Variants in EXT1 observed in about 807,000 individuals in gnomAD.
EXT1 encodes the protein exostosin-1.
Under a neutral mutation model 82.5 loss-of-function variants are expected in EXT1, and 20 were observed. That is an observed-to-expected ratio of 0.24 (90% CI 0.17 to 0.35). EXT1 has a LOEUF of 0.35. Among genes scored for constraint, EXT1 ranks in the 10% least tolerant of loss-of-function variants. The pLI is 1.00. For missense variants in EXT1, 757 were observed against 936.5 expected (o/e 0.81, Z 2.50); for synonymous variants, 348 against 350.8 (o/e 0.99, Z 0.09).
intron 1 of EXT1, among the ~76,000 whole-genome samples, chr8:118,082,907 C>T (rs1586263301): frequency 6.6e-6 from 1 of 152,012 alleles, no homozygotes; most frequent in Admixed American, 6.5e-5. Context: ...AAGTTTGGAG[C>T]GAGGGAAAGA....
chr8:117,954,971 T>G (rs1563612058), intron 1 of EXT1, among the ~76,000 whole-genome samples: 4 of 152,204 alleles, frequency 2.6e-5, no homozygotes. Flanking sequence ...TCTCCTATAC[T>G]TCTCACCAAC....
chr8:117,801,416 A>C (rs1027725226), intron 10 of EXT1, among the ~76,000 whole-genome samples: 3 of 152,236 alleles, frequency 2.0e-5, no homozygotes, highest in Non-Finnish European at 2.9e-5. Flanking sequence ...AAAGATATCA[A>C]ATGGAGCTGA....
At chr8:117,944,937 C>T (rs1381887469) in intron 1 of EXT1, among the ~76,000 whole-genome samples, 3 of 151,904 alleles carry the variant, frequency 2.0e-5, no homozygotes, top group South Asian at 4.2e-4. Context: ...CGGAGGCGGG[C>T]GGATCACGAG....
chr8:118,022,266 T>C (rs4556109), intron 1 of EXT1, among the ~76,000 whole-genome samples: 1 of 149,072 alleles, frequency 6.7e-6, no homozygotes, highest in Non-Finnish European at 1.5e-5. Context: ...AAGAAAAAAA[T>C]TAATGCAGGG....
chr8:118,065,307 T>G (rs1042788849), intron 1 of EXT1, among the ~76,000 whole-genome samples: 1 of 152,166 alleles, frequency 6.6e-6, no homozygotes, highest in African/African-American at 2.4e-5. Context: ...TTAAATATGC[T>G]TCTAGATGGA....
chr8:118,065,816 T>G (rs1816975522), intron 1 of EXT1, among the ~76,000 whole-genome samples: 1 of 152,230 alleles, frequency 6.6e-6, no homozygotes, highest in Non-Finnish European at 1.5e-5. Flanking sequence ...AATAATGTAC[T>G]TGTCCCAAAT....
In EXT1 at chr8:118,039,667, T is replaced by C. The variant is rs144337237; in HGVS notation, c.962+70418A>G. On this transcript the variant is annotated intron_variant, in intron 1 of 10. Transcript: ENST00000378204. ...TGAAAATTTTTGAAGAAAATGCTGA[T>C]GAATTATTTTTACTGATCACCCAAG... is the stretch of plus-strand genomic sequence containing the variant. Among the ~76,000 whole-genome samples, 640 of 151,654 alleles carry C rather than the reference T, an allele frequency of 4.2e-3. 3 individuals are homozygous for C. The highest frequency in any genetic ancestry group is 0.014 in the African/African-American group (592 of 41,296).
chr8:118,091,787 C>CTA (rs1429527902), intron 1 of EXT1, among the ~76,000 whole-genome samples: 7 of 151,762 alleles, frequency 4.6e-5, no homozygotes, highest in Non-Finnish European at 1.0e-4. Flanking sequence ...CCCTCTCTCT[C>CTA]TCTATATATA....
At chr8:118,050,703 T>A (rs1816703799) in intron 1 of EXT1, among the ~76,000 whole-genome samples, 1 of 152,206 alleles carries the variant, frequency 6.6e-6, no homozygotes, top group African/African-American at 2.4e-5. Context: ...AATTTTCACA[T>A]GTCATAAAGT....
rs951791937 is a variant in EXT1 at position 118,111,196 on chromosome 8, C to T, written c.-150G>A. On this transcript the variant is annotated 5_prime_UTR_variant, in exon 1 of 11. Transcript: ENST00000378204. ...CTTCTCTGGATGCCTTTCCCCAAGC[C>T]GTGGACTGATCCAGCGCATGTGGGC... 4 of 1,133,646 alleles carry T rather than the reference C, an allele frequency of 3.5e-6. No homozygotes were observed. The highest frequency in any genetic ancestry group is 2.7e-5 in the South Asian group (2 of 74,698). The allele number at this position is 1,133,646 out of a possible 1,614,324, so 70.2% of individuals were successfully genotyped here.
intron 1 of EXT1, among the ~76,000 whole-genome samples, chr8:117,972,148 C>CAAA (rs34241911): frequency 9.3e-6 from 1 of 107,418 alleles, no homozygotes; most frequent in Admixed American, 9.3e-5. Context: ...AAAACTCCAA[C>CAAA]AAAAAAAAAA....
intron 1 of EXT1, among the ~76,000 whole-genome samples, chr8:118,075,962 A>C (rs1817201188): frequency 6.6e-6 from 1 of 152,234 alleles, no homozygotes; most frequent in Non-Finnish European, 1.5e-5. Flanking sequence ...ATGAGATTTA[A>C]GGGGGACAAA....
At chr8:117,981,504 A>G in intron 1 of EXT1, among the ~76,000 whole-genome samples, 1 of 152,222 alleles carries the variant, frequency 6.6e-6, no homozygotes, top group East Asian at 1.9e-4. Flanking sequence ...TCAAAGGGGC[A>G]AGGCAAGCAG....
chr8:117,956,254 G>A (rs1814583807), intron 1 of EXT1, among the ~76,000 whole-genome samples: 1 of 151,508 alleles, frequency 6.6e-6, no homozygotes, highest in Non-Finnish European at 1.5e-5. Flanking sequence ...CTGCCCAGAA[G>A]TAATCACTTC....
intron 1 of EXT1, among the ~76,000 whole-genome samples, chr8:117,999,888 C>T (rs2129807228): frequency 6.6e-6 from 1 of 152,046 alleles, no homozygotes; most frequent in South Asian, 2.1e-4. Flanking sequence ...GAGCTCAGAA[C>T]ATCTCATAAA....
chr8:117,966,017 T>C (rs556808948), intron 1 of EXT1, among the ~76,000 whole-genome samples: 3 of 150,790 alleles, frequency 2.0e-5, no homozygotes, highest in South Asian at 4.2e-4. Flanking sequence ...CACACATATA[T>C]ACACACGCAC....
intron 1 of EXT1, among the ~76,000 whole-genome samples, chr8:118,018,649 C>A (rs138294121): frequency 6.6e-6 from 1 of 152,128 alleles, no homozygotes; most frequent in Non-Finnish European, 1.5e-5. Context: ...TACTTGTATA[C>A]GCACATACAT....
intron 1 of EXT1, among the ~76,000 whole-genome samples, chr8:117,924,948 C>T (rs1403802827): frequency 6.6e-6 from 1 of 152,206 alleles, no homozygotes; most frequent in African/African-American, 2.4e-5. Context: ...ATTTCTCTAA[C>T]AACCTAAAAT....
At chr8:117,927,411 T>G (rs1813973598) in intron 1 of EXT1, among the ~76,000 whole-genome samples, 2 of 1,058 alleles carry the variant, frequency 1.9e-3, no homozygotes, top group Non-Finnish European at 0.012. Context: ...TAGATTCCTC[T>G]GGGGGAAAAA....
Sources: gnomAD v4.1 joint callset for allele counts (sites outside exome capture counted in the v4.1 genomes callset) on GRCh38, gnomAD v4.1.1 for gene constraint, MANE v1.5 for transcripts, NCBI Gene and HGNC (gene_info 2026-07-23, HGNC 2026-07-21) for gene names.